The following SH3PXD2B variants were observed in gnomAD, a reference collection of about 807,000 sequenced individuals.
The protein encoded by SH3PXD2B is SH3 and PX domains 2B.
A neutral mutation model predicts 73.1 loss-of-function variants in SH3PXD2B; 37 were observed. That is an observed-to-expected ratio of 0.51 (90% CI 0.39 to 0.67). The LOEUF (loss-of-function observed/expected upper bound fraction) is 0.67, where lower values mean the gene tolerates loss of function less well. Among genes scored for constraint, SH3PXD2B ranks in the 30% least tolerant of loss-of-function variants. The pLI is 0.00. For synonymous variants in SH3PXD2B, 457 were observed against 480.5 expected (o/e 0.95, Z 0.64); for missense variants, 1,053 against 1,197.8 (o/e 0.88, Z 1.78).
chr5:172,332,256 CTT>C (rs57471345), downstream of SH3PXD2B, among the ~76,000 whole-genome samples: 16 of 142,982 alleles, frequency 1.1e-4, no homozygotes, highest in Non-Finnish European at 1.2e-4. Context: ...TTTTTCCTTC[CTT>C]TTTTTTTTTT....
intron 6 of SH3PXD2B, 57 bp from the exon 7 acceptor site, chr5:172,362,926 A>G: frequency 6.2e-7 from 1 of 1,610,962 alleles, no homozygotes. Flanking sequence ...AAAGAGCAGG[A>G]GTCAGAGCAG....
rs938185670 is a variant in SH3PXD2B at position 172,422,265 on chromosome 5, G to A, written c.156+151C>T. On this transcript the variant is annotated intron_variant, in intron 2 of 12. Coordinates refer to ENST00000311601, the MANE Select transcript of SH3PXD2B (RefSeq NM_001017995.3). ...CCACCTCCGCCTCCCAAAGTGCTGG[G>A]ATTACAGGTGTGAGCCACCACGCCC... is the stretch of plus-strand genomic sequence containing the variant. 13 of 732,378 alleles carry A rather than the reference G, an allele frequency of 1.8e-5. No individual in the cohort carries two copies. In the East Asian group the frequency reaches 2.1e-4, roughly 12 times the overall value. 45.4% of individuals were successfully genotyped at this position (732,378 alleles called of 1,614,324 possible). A position where few individuals can be genotyped will look rare whatever the true frequency, so the allele number is the denominator to read the frequency against.
intron 1 of SH3PXD2B, among the ~76,000 whole-genome samples, chr5:172,447,793 A>G (rs1759706934): frequency 6.6e-6 from 1 of 152,142 alleles, no homozygotes. Context: ...AGACACCTGC[A>G]GCAGCACAGA....
chr5:172,399,033 G>T (rs1758370752), intron 3 of SH3PXD2B, among the ~76,000 whole-genome samples: 1 of 152,144 alleles, frequency 6.6e-6, no homozygotes, highest in Non-Finnish European at 1.5e-5. Context: ...ACCTTAATTG[G>T]ACAGGCTCAG....
chr5:172,396,616 CTTTT>C (rs34169390), intron 3 of SH3PXD2B, among the ~76,000 whole-genome samples: 6 of 126,494 alleles, frequency 4.7e-5, no homozygotes, highest in Non-Finnish European at 5.0e-5. Flanking sequence ...GAGAGAAAGC[CTTTT>C]TTTTTTTTTT....
intron 3 of SH3PXD2B, among the ~76,000 whole-genome samples, chr5:172,405,115 C>T (rs1758522449): frequency 6.6e-6 from 1 of 152,192 alleles, no homozygotes; most frequent in Admixed American, 6.5e-5. Flanking sequence ...GAGCTGAAGC[C>T]GTGATAGTAT....
Position 172,421,204 on chromosome 5 carries a change from ACT to A in SH3PXD2B, c.156+1210_156+1211del, listed in dbSNP as rs889708108. On this transcript the variant is annotated intron_variant, in intron 2 of 12. Coordinates refer to ENST00000311601, the MANE Select transcript of SH3PXD2B (RefSeq NM_001017995.3). The surrounding 1 kb of genome is among the most constrained non-coding windows in gnomAD (Gnocchi z 4.0). The stretch of plus-strand genomic sequence containing the variant: ...ATGTCTCCCGAGGGTTTTCCAAATA[ACT>A]CTGTTACATCCTATGAGGAGGAACC... Among the ~76,000 whole-genome samples the A allele has an allele frequency of 6.6e-6, 1 of 151,894 alleles. No homozygotes were observed. The highest frequency in any genetic ancestry group is 2.4e-5 in the African/African-American group (1 of 41,326).
In SH3PXD2B at chr5:172,420,995, G is replaced by A. The variant is rs1259131537; in HGVS notation, c.156+1421C>T. Among the ~76,000 whole-genome samples the A allele has an allele frequency of 2.6e-5, 4 of 152,226 alleles. No individual in the cohort carries two copies. In the East Asian group the frequency reaches 5.8e-4, roughly 22 times the overall value. On this transcript the variant is annotated intron_variant, in intron 2 of 12. Coordinates refer to ENST00000311601, the MANE Select transcript of SH3PXD2B (RefSeq NM_001017995.3). ...TCCTAGGACGTTCAGTTACATCCGC[G>A]AAAAAACCTCCTGTTTACTTCAGCC...
chr5:172,404,079 AC>A (rs930350201), intron 3 of SH3PXD2B, among the ~76,000 whole-genome samples: 1 of 152,188 alleles, frequency 6.6e-6, no homozygotes, highest in African/African-American at 2.4e-5. Context: ...GCATGGTTGT[AC>A]ACTTTGCCAG....
intron 2 of SH3PXD2B, among the ~76,000 whole-genome samples, chr5:172,407,631 G>A (rs1474064171): frequency 6.6e-6 from 1 of 152,208 alleles, no homozygotes; most frequent in Middle Eastern, 3.2e-3. Context: ...TGAAAAGCCT[G>A]CCCACAGGAA....
intron 12 of SH3PXD2B, among the ~76,000 whole-genome samples, chr5:172,342,978 G>A (rs897849885): frequency 6.6e-6 from 1 of 152,188 alleles, no homozygotes; most frequent in African/African-American, 2.4e-5. Flanking sequence ...GGCAAGCCAC[G>A]TGCCTCAGAT....
Position 172,350,410 on chromosome 5 carries a change from TCCCTCTG to T in SH3PXD2B, c.958_964del (p.Gln320ThrfsTer21). 1.2e-6 allele frequency: 2 copies of T among 1,613,954 alleles called. No individual in the cohort carries two copies. Among genetic ancestry groups the T allele is most frequent in the Non-Finnish European group, 8.5e-7 (1 of 1,180,024 alleles). On this transcript the variant is annotated frameshift_variant, in exon 10 of 13. Coordinates refer to ENST00000311601, the MANE Select transcript of SH3PXD2B (RefSeq NM_001017995.3). LOFTEE classifies it high-confidence loss of function. ...CACCGGGCGGCCTTCAAACCGCCCGTCCCTCTGGCTGCTGAGCAGCTCCTTCTCCCTG... is the reference window on the plus strand; with the variant it reads ...CACCGGGCGGCCTTCAAACCGCCCGTGCTGCTGAGCAGCTCCTTCTCCCTG...
Position 172,335,081 on chromosome 5 carries a change from A to C in SH3PXD2B, c.*3288T>G. On this transcript the variant is annotated 3_prime_UTR_variant, in exon 13 of 13. Transcript: ENST00000311601. ...ACATACACCCACCAATGGCAAAGAA[A>C]GATTCCGAGCAGAACATGTGAGCAA... is the stretch of plus-strand genomic sequence containing the variant. 1.0e-6 allele frequency: 1 copy of C among 985,594 alleles called. No individual in the cohort carries two copies. Among genetic ancestry groups the C allele is most frequent in the Non-Finnish European group, 1.2e-6 (1 of 830,044 alleles). 61.1% of individuals were successfully genotyped at this position (985,594 alleles called of 1,614,324 possible). A position where few individuals can be genotyped will look rare whatever the true frequency, so the allele number is the denominator to read the frequency against.
rs12033 is a variant in SH3PXD2B at position 172,333,565 on chromosome 5, A to G, written c.*4804T>C. ...TAAAAAAAAAAAAAGGAAAGAAGTCAAATGGTAAAGTATATAGCCTACACA... is the reference window on the plus strand; with the variant it reads ...TAAAAAAAAAAAAAGGAAAGAAGTCGAATGGTAAAGTATATAGCCTACACA... On this transcript the variant is annotated 3_prime_UTR_variant, in exon 13 of 13. Coordinates refer to ENST00000311601, the MANE Select transcript of SH3PXD2B (RefSeq NM_001017995.3). The G allele has an allele frequency of 0.65, 768,571 of 1,175,490 alleles. 253,568 individuals are homozygous for G. Among genetic ancestry groups the G allele is most frequent in the South Asian group, 0.86 (54,835 of 63,798 alleles). The allele number at this position is 1,175,490 out of a possible 1,614,324, so 72.8% of individuals were successfully genotyped here. A position where few individuals can be genotyped will look rare whatever the true frequency, so the allele number is the denominator to read the frequency against.
intron 6 of SH3PXD2B, 93 bp from the exon 7 acceptor site, chr5:172,362,962 A>G: frequency 6.5e-7 from 1 of 1,541,656 alleles, no homozygotes; most frequent in Non-Finnish European, 8.9e-7. Context: ...GGACGTTCCA[A>G]ATAAAAAAGC....
intron 2 of SH3PXD2B, among the ~76,000 whole-genome samples, chr5:172,414,548 G>C (rs545649758): frequency 5.5e-4 from 83 of 151,944 alleles, no homozygotes; most frequent in African/African-American, 1.9e-3. Context: ...TGCATGACTT[G>C]GGACAGTCTC....
intron 6 of SH3PXD2B, among the ~76,000 whole-genome samples, chr5:172,364,673 C>T (rs575880538): frequency 4.8e-4 from 72 of 151,302 alleles, no homozygotes; most frequent in South Asian, 3.5e-3. Context: ...CTCCGCTCCC[C>T]GCCCAAAAAA....
chr5:172,345,890 A>G (rs1468380059), intron 12 of SH3PXD2B, among the ~76,000 whole-genome samples: 2 of 152,150 alleles, frequency 1.3e-5, no homozygotes, highest in Non-Finnish European at 2.9e-5. Flanking sequence ...GTGGCTGTTG[A>G]TGGGTAAGGA....
At chr5:172,358,972 T>C in intron 7 of SH3PXD2B, 95 bp from the exon 8 acceptor site, 2 of 1,155,902 alleles carry the variant, frequency 1.7e-6, no homozygotes, top group Non-Finnish European at 2.5e-6. Flanking sequence ...TACCAGTGAA[T>C]GCACAGGGTA....
Sources: gnomAD v4.1 joint callset for allele counts (sites outside exome capture counted in the v4.1 genomes callset) on GRCh38, gnomAD v4.1.1 for gene constraint, Gnocchi (gnomAD v3.1) non-coding constraint, MANE v1.5 for transcripts, NCBI Gene and HGNC (gene_info 2026-07-23, HGNC 2026-07-21) for gene names.